The following DNAH10 variants were observed in gnomAD, a reference collection of about 807,000 sequenced individuals.
DNAH10 encodes dynein axonemal heavy chain 10, also known as axonemal beta dynein heavy chain 10.
In DNAH10, 348 loss-of-function variants were observed where a neutral mutation model predicts 506.6. That is an observed-to-expected ratio of 0.69 (90% confidence interval 0.63 to 0.75). The LOEUF is 0.75. Among genes scored for constraint, DNAH10 ranks in the 30% least tolerant of loss-of-function variants. The pLI is 0.00. For synonymous variants in DNAH10, 2,059 were observed against 2,198.6 expected (o/e 0.94, Z 1.78); for missense variants, 5,179 against 5,787.1 (o/e 0.89, Z 3.41).
intron 27 of DNAH10, among the ~76,000 whole-genome samples, chr12:123,834,514 A>C (rs999026897): frequency 6.6e-6 from 1 of 152,222 alleles, no homozygotes; most frequent in Non-Finnish European, 1.5e-5. Flanking sequence ...AGTCAAAAAA[A>C]ATTTTCTATT....
rs1419915359 is a variant in DNAH10, at chr12:123,931,692, A to G, written c.12973A>G (p.Ile4325Val). The G allele has an allele frequency of 6.2e-7, 1 of 1,614,056 alleles. No individual in the cohort carries two copies. The highest frequency in any genetic ancestry group is 8.5e-7 in the Non-Finnish European group (1 of 1,179,910). The change falls in exon 75 of 79, where the codon ATA becomes GTA. Residue 4325 changes from isoleucine (I) to valine (V), a missense_variant. Physicochemically the swap from Ile to Val is conservative, Grantham distance 29. Around this residue, in one of 3 missense-constraint regions of DNAH10, gnomAD observed 4,844 missense variants for 5,430.5 expected, o/e 0.89. Transcript: ENST00000673944. ...DDYIGQVAKE[I>V]ENKMPKVFDL... ...TTATATTGGCCAAGTGGCCAAAGAA[A>G]TAGAAAACAAGATGCCCAAAGTCTT...
intron 28 of DNAH10, among the ~76,000 whole-genome samples, chr12:123,837,592 T>C (rs2136572253): frequency 6.6e-6 from 1 of 151,582 alleles, no homozygotes; most frequent in East Asian, 1.9e-4. Context: ...TTTTTTTTTT[T>C]TAGAGACGAG....
Position 123,785,773 on chromosome 12 carries a change from GTGGTCC to G in DNAH10, c.1262_1267del (p.Val421_Leu422del). 6.2e-7 allele frequency: 1 copy of G among 1,613,090 alleles called. No individual in the cohort carries two copies. The highest frequency in any genetic ancestry group is 8.5e-7 in the Non-Finnish European group (1 of 1,179,280). On this transcript the variant is annotated inframe_deletion, in exon 9 of 79. Transcript: ENST00000673944. This position sits in a 1 kb window ranked among gnomAD's most constrained non-coding sequence, Gnocchi z 4.1. Reference sequence around the variant, plus strand: ...CATAACGCACGGGTCTGGCTTCCACGTGGTCCTGGACACCATCCCCGCCATGATGAG... The same window carrying G: ...CATAACGCACGGGTCTGGCTTCCACGTGGACACCATCCCCGCCATGATGAG...
intron 5 of DNAH10, 117 bp from the exon 6 acceptor site, chr12:123,780,961 AAG>A: frequency 3.7e-6 from 3 of 803,010 alleles, no homozygotes; most frequent in Non-Finnish European, 3.7e-6. Context: ...AAAAAAAAAA[AAG>A]AATATTCAAA....
At chr12:123,771,283 T>G (rs575766707) in intron 2 of DNAH10, among the ~76,000 whole-genome samples, 1 of 152,334 alleles carries the variant, frequency 6.6e-6, no homozygotes, top group African/African-American at 2.4e-5. Flanking sequence ...AATTCTTGTC[T>G]TTATGATAAA....
At chr12:123,878,225 C>T (rs1323406072) in intron 48 of DNAH10, among the ~76,000 whole-genome samples, 1 of 152,160 alleles carries the variant, frequency 6.6e-6, no homozygotes, top group East Asian at 1.9e-4. Context: ...CTTTTGCTCA[C>T]ATAACTCAGT....
chr12:123,930,589 C>T lies in DNAH10; in HGVS notation c.12784+16C>T. 1.2e-6 allele frequency: 2 copies of T among 1,603,938 alleles called. No individual in the cohort carries two copies. Among genetic ancestry groups the T allele is most frequent in the Non-Finnish European group, 1.7e-6 (2 of 1,177,302 alleles). On this transcript the variant is annotated intron_variant, in intron 73 of 78. Coordinates refer to ENST00000673944, the MANE Select transcript of DNAH10 (RefSeq NM_001372106.1). ...AAATTTGTTGGTGAGATTTCTCAGA[C>T]ATGAAAAGATGTTTTCAAGGCTTTT...
chr12:123,908,241 GTC>G (rs1566083537), intron 57 of DNAH10: 3 of 428,846 alleles, frequency 7.0e-6, no homozygotes, highest in South Asian at 3.4e-5. Flanking sequence ...TCTCCTCCCT[GTC>G]TCTCTGTCTC....
At chr12:123,764,446 C>T (rs1425536821) in intron 1 of DNAH10, among the ~76,000 whole-genome samples, 1 of 152,018 alleles carries the variant, frequency 6.6e-6, no homozygotes, top group African/African-American at 2.4e-5. Context: ...GCAGGATTGA[C>T]CGTTTAACAT....
intron 18 of DNAH10, among the ~76,000 whole-genome samples, chr12:123,805,773 CTTTT>C (rs779610748): frequency 7.2e-6 from 1 of 138,698 alleles, no homozygotes; most frequent in Non-Finnish European, 1.6e-5. Context: ...CTCTTCTTTT[CTTTT>C]TTTTTTTTTT....
At chr12:123,854,108 GTTAT>G (rs963754038) in intron 36 of DNAH10, among the ~76,000 whole-genome samples, 26 of 144,094 alleles carry the variant, frequency 1.8e-4, no homozygotes, top group Non-Finnish European at 3.5e-4. Context: ...CGAAGGAAGA[GTTAT>G]TTATGCTCTT....
chr12:123,821,496 ATTCTTTTTTTAGT>A (rs1959398787), intron 24 of DNAH10, among the ~76,000 whole-genome samples: 3 of 152,036 alleles, frequency 2.0e-5, no homozygotes, highest in Admixed American at 1.3e-4. Flanking sequence ...ATGCCCAGCT[ATTCTTTTTTTAGT>A]TTTAGTAGAG....
chr12:123,845,989 G>A lies in DNAH10; in HGVS notation c.5649G>A (p.Glu1883=). The change falls in exon 32 of 79, where the codon GAG becomes GAA. Residue 1883 remains glutamate, a synonymous_variant. Transcript: ENST00000673944. The part of the protein sequence containing the change: ...FIRGSILEAR[E]FDWESQLRFY... Reference sequence around the variant, plus strand: ...CGTCCAGTATCCTGGAGGCCCGAGAGTTTGACTGGGAAAGTCAGTTGCGGT... The same window carrying A: ...CGTCCAGTATCCTGGAGGCCCGAGAATTTGACTGGGAAAGTCAGTTGCGGT... 1.9e-6 allele frequency: 3 copies of A among 1,614,004 alleles called. No individual in the cohort carries two copies. Among genetic ancestry groups the A allele is most frequent in the Non-Finnish European group, 2.5e-6 (3 of 1,179,896 alleles).
In DNAH10 at chr12:123,787,823, C is replaced by CA; in HGVS notation, c.1444dup (p.Ser482LysfsTer19). The CA allele has an allele frequency of 6.2e-7, 1 of 1,613,940 alleles. No homozygotes were observed. ...TCGCAGAGAAAATCGAGCGAGTGCC[C>CA]AAAGCAAAACCTTGGAAGCCAGGAA... On this transcript the variant is annotated frameshift_variant, in exon 10 of 79. Transcript: ENST00000673944. LOFTEE classifies it high-confidence loss of function. This position sits in a 1 kb window ranked among gnomAD's most constrained non-coding sequence, Gnocchi z 4.6.
intron 18 of DNAH10, among the ~76,000 whole-genome samples, chr12:123,807,048 G>A (rs968708241): frequency 5.9e-5 from 9 of 152,184 alleles, no homozygotes; most frequent in African/African-American, 2.2e-4. Flanking sequence ...GATTACAGGC[G>A]TGAGCCACCG....
chr12:123,867,031 G>A (rs552265922), intron 41 of DNAH10, among the ~76,000 whole-genome samples: 2 of 152,330 alleles, frequency 1.3e-5, no homozygotes, highest in South Asian at 4.1e-4. Flanking sequence ...AAGCATGACA[G>A]AACCATCTGA....
At chr12:123,775,997 G>A (rs1163654363) in intron 5 of DNAH10, among the ~76,000 whole-genome samples, 1 of 152,108 alleles carries the variant, frequency 6.6e-6, no homozygotes, top group African/African-American at 2.4e-5. Context: ...AGCAAAGAGG[G>A]AAAAGCCGCT....
chr12:123,841,046 C>T lies in DNAH10; in HGVS notation c.5137-276C>T, dbSNP rs76366509. Reference sequence around the variant, plus strand: ...CACTGGCTCCTATGTCCAGATACCTCCCCACTCCAGCAGGGTTAGGGACAG... The same window carrying T: ...CACTGGCTCCTATGTCCAGATACCTTCCCACTCCAGCAGGGTTAGGGACAG... On this transcript the variant is annotated intron_variant, in intron 29 of 78. Transcript: ENST00000673944. 1.1e-3 allele frequency among the ~76,000 whole-genome samples: 164 copies of T among 152,360 alleles called. 3 individuals carry two copies. The East Asian group carries it at 0.015, about 14-fold the overall frequency.
chr12:123,785,231 A>G lies in DNAH10; in HGVS notation c.1231-515A>G, dbSNP rs1957803373. On this transcript the variant is annotated intron_variant, in intron 8 of 78. Transcript: ENST00000673944. The surrounding 1 kb of genome is among the most constrained non-coding windows in gnomAD (Gnocchi z 4.1). Reference sequence around the variant, plus strand: ...TACACGAAGGTTCTGGTTTTTCCGTATCTTCACCACCACTTGTTATCGTCT... The same window carrying G: ...TACACGAAGGTTCTGGTTTTTCCGTGTCTTCACCACCACTTGTTATCGTCT... 6.6e-6 allele frequency among the ~76,000 whole-genome samples: 1 copy of G among 152,186 alleles called. No individual in the cohort carries two copies. Among genetic ancestry groups the G allele is most frequent in the Non-Finnish European group, 1.5e-5 (1 of 68,030 alleles).
Sources: gnomAD v4.1 joint callset for allele counts (sites outside exome capture counted in the v4.1 genomes callset) on GRCh38, gnomAD v4.1.1 for gene constraint, gnomAD v4.1.1 regional missense constraint, Gnocchi (gnomAD v3.1) non-coding constraint, MANE v1.5 for transcripts, NCBI Gene and HGNC (gene_info 2026-07-23, HGNC 2026-07-21) for gene names.